Variants in RAB40B observed in about 807,000 individuals in gnomAD.
RAB40B encodes RAB40B, member RAS oncogene family.
A neutral mutation model predicts 24.0 loss-of-function variants in RAB40B; 21 were observed. The ratio of observed to expected loss-of-function variants is 0.88; its 90% CI spans 0.62 to 1.26. The LOEUF is 1.26. RAB40B is among the 50% of genes most tolerant of loss of function. The pLI is 0.00. For missense variants in RAB40B, 348 were observed against 390.5 expected (o/e 0.89, Z 0.92); for synonymous variants, 167 against 169.8 (o/e 0.98, Z 0.13).
chr17:82,665,922 TA>T lies in RAB40B; in HGVS notation c.143-1367del, dbSNP rs920196024. Among the ~76,000 whole-genome samples the T allele has an allele frequency of 1.4e-3, 213 of 151,292 alleles. 1 individual carries two copies. Among genetic ancestry groups the T allele is most frequent in the African/African-American group, 4.9e-3 (201 of 41,244 alleles). ...AAAAAAAAAAAAAAAAAACTACACTTAAAAAAAATCTTTTTTGAGACAGGGT... is the reference window on the plus strand; with the variant it reads ...AAAAAAAAAAAAAAAAAACTACACTTAAAAAAATCTTTTTTGAGACAGGGT... On this transcript the variant is annotated intron_variant, in intron 1 of 5. Coordinates refer to ENST00000571995, the MANE Select transcript of RAB40B (RefSeq NM_006822.3).
Position 82,667,666 on chromosome 17 carries a change from G to A in RAB40B, c.143-3110C>T, listed in dbSNP as rs1291464906. On this transcript the variant is annotated intron_variant, in intron 1 of 5. Transcript: ENST00000571995. The surrounding 1 kb of genome is among the most constrained non-coding windows in gnomAD (Gnocchi z 4.3). ...TCTGTCCACAGAGACTGCCCATCAC[G>A]CCACCAGGTAGATTAGACCAAGCAA... Among the ~76,000 whole-genome samples, 1 of 152,030 alleles carries A rather than the reference G, an allele frequency of 6.6e-6. No individual in the cohort carries two copies. Among genetic ancestry groups the A allele is most frequent in the Non-Finnish European group, 1.5e-5 (1 of 68,018 alleles).
Position 82,698,612 on chromosome 17 carries a change from C to T in RAB40B, c.-16G>A, listed in dbSNP as rs761901094. The T allele has an allele frequency of 6.3e-6, 9 of 1,436,066 alleles. No individual in the cohort carries two copies. The highest frequency in any genetic ancestry group is 3.0e-5 in the African/African-American group (2 of 67,716). The allele number at this position is 1,436,066 out of a possible 1,614,324, so 89.0% of individuals were successfully genotyped here. A position where few individuals can be genotyped will look rare whatever the true frequency, so the allele number is the denominator to read the frequency against. On this transcript the variant is annotated 5_prime_UTR_variant, in exon 1 of 6. Transcript: ENST00000571995. ...GGGCGCTCATCGTGACGGCCCGGCG[C>T]CCCCACCCATGCCCGGCCTGCGGGG...
chr17:82,663,392 G>A lies in RAB40B; in HGVS notation c.203+1104C>T, dbSNP rs994666220. The stretch of plus-strand genomic sequence containing the variant: ...CAGTGCAGGAGGGATGCCCAAGAGG[G>A]AGGCAGCCCCAGGATGAGGCACCGC... On this transcript the variant is annotated intron_variant, in intron 2 of 5. Transcript: ENST00000571995. The surrounding 1 kb of genome is among the most constrained non-coding windows in gnomAD (Gnocchi z 6.2). Among the ~76,000 whole-genome samples the A allele has an allele frequency of 6.6e-6, 1 of 152,118 alleles. No individual in the cohort carries two copies.
At chr17:82,673,112 G>C (rs918236263) in intron 1 of RAB40B, among the ~76,000 whole-genome samples, 1 of 152,132 alleles carries the variant, frequency 6.6e-6, no homozygotes, top group Admixed American at 6.6e-5. Context: ...GCTGAGGCAG[G>C]AGAATCGCTT....
At chr17:82,671,517 C>G (rs1202349096) in intron 1 of RAB40B, among the ~76,000 whole-genome samples, 2 of 92,282 alleles carry the variant, frequency 2.2e-5, no homozygotes, top group Non-Finnish European at 2.8e-5. Context: ...CACCCCACCC[C>G]TGTAACTCTA....
chr17:82,672,382 C>T (rs977843524), intron 1 of RAB40B, among the ~76,000 whole-genome samples: 1 of 119,722 alleles, frequency 8.4e-6, no homozygotes, highest in Non-Finnish European at 2.0e-5. Flanking sequence ...CACCTCACCC[C>T]TGTAACTCTA....
chr17:82,665,236 A>C (rs997767559), intron 1 of RAB40B, among the ~76,000 whole-genome samples: 15 of 145,800 alleles, frequency 1.0e-4, no homozygotes, highest in Admixed American at 5.0e-4. Flanking sequence ...CAAAAAAAAA[A>C]CCCGAGAATG....
At chr17:82,685,119 A>G (rs1160635250) in intron 1 of RAB40B, among the ~76,000 whole-genome samples, 1 of 149,112 alleles carries the variant, frequency 6.7e-6, no homozygotes, top group Non-Finnish European at 1.5e-5. Flanking sequence ...GTCTCAAAAA[A>G]GGAAAAAAAA....
At chr17:82,693,959 T>G (rs961689997) in intron 1 of RAB40B, among the ~76,000 whole-genome samples, 1 of 151,174 alleles carries the variant, frequency 6.6e-6, no homozygotes, top group African/African-American at 2.5e-5. Context: ...GGCGCACACC[T>G]GTAGTCCCAG....
intron 1 of RAB40B, among the ~76,000 whole-genome samples, chr17:82,681,534 T>A (rs1333835821): frequency 6.6e-6 from 1 of 152,174 alleles, no homozygotes. Flanking sequence ...CTCAAGGCTC[T>A]GTGTGGAGGC....
chr17:82,658,476 A>T lies in RAB40B; in HGVS notation c.565+15T>A, dbSNP rs771186342. ...GGAGGGCAGAGGTGGCCCCCGGAAT[A>T]GCCCCTGGGCCTACCCTTGCTCGGC... On this transcript the variant is annotated intron_variant, in intron 5 of 5. Coordinates refer to ENST00000571995, the MANE Select transcript of RAB40B (RefSeq NM_006822.3). The T allele has an allele frequency of 1.2e-6, 2 of 1,610,062 alleles. No homozygotes were observed. Among genetic ancestry groups the T allele is most frequent in the Admixed American group, 3.3e-5 (2 of 59,980 alleles).
rs1201495424 is a variant in RAB40B, at chr17:82,692,492, G to C, written c.142+5963C>G. On this transcript the variant is annotated intron_variant, in intron 1 of 5. Transcript: ENST00000571995. This position sits in a 1 kb window ranked among gnomAD's most constrained non-coding sequence, Gnocchi z 4.0. ...TGCCCATCCACAGAAGACAGAGTCT[G>C]ACCCGGGGCACACACACAAGAGACA... 6.6e-6 allele frequency among the ~76,000 whole-genome samples: 1 copy of C among 152,056 alleles called. No homozygotes were observed. Among genetic ancestry groups the C allele is most frequent in the Non-Finnish European group, 1.5e-5 (1 of 68,010 alleles).
intron 1 of RAB40B, among the ~76,000 whole-genome samples, chr17:82,669,201 C>T (rs1369560947): frequency 2.6e-5 from 4 of 151,964 alleles, no homozygotes; most frequent in South Asian, 2.1e-4. Flanking sequence ...AGGGCCTGGG[C>T]GCGGTGGCTC....
In RAB40B at chr17:82,692,348, C is replaced by T. The variant is rs893800733; in HGVS notation, c.142+6107G>A. Among the ~76,000 whole-genome samples, 3 of 152,212 alleles carry T rather than the reference C, an allele frequency of 2.0e-5. No individual in the cohort carries two copies. The highest frequency in any genetic ancestry group is 7.2e-5 in the African/African-American group (3 of 41,448). The stretch of plus-strand genomic sequence containing the variant: ...CTGCAACTACAGACCGAGAGGAAGA[C>T]AAACGCCCAGGAGGGAGAATCCAGG... On this transcript the variant is annotated intron_variant, in intron 1 of 5. Coordinates refer to ENST00000571995, the MANE Select transcript of RAB40B (RefSeq NM_006822.3). The surrounding 1 kb of genome is among the most constrained non-coding windows in gnomAD (Gnocchi z 4.0).
chr17:82,690,312 G>A lies in RAB40B; in HGVS notation c.142+8143C>T, dbSNP rs983705571. Among the ~76,000 whole-genome samples, 60 of 148,662 alleles carry A rather than the reference G, an allele frequency of 4.0e-4. 1 individual carries two copies. The highest frequency in any genetic ancestry group is 1.2e-3 in the African/African-American group (50 of 40,380). On this transcript the variant is annotated intron_variant, in intron 1 of 5. Coordinates refer to ENST00000571995, the MANE Select transcript of RAB40B (RefSeq NM_006822.3). ...AAGATCTGCAGAATTGGAGGGAGAC[G>A]GAGTGTGCATGTGTGTTCCTGGGAG...
At chr17:82,671,536 ACTCACACGCTCCCT>A (rs1568036637) in intron 1 of RAB40B, among the ~76,000 whole-genome samples, 1 of 138,282 alleles carries the variant, frequency 7.2e-6, no homozygotes. Context: ...TAACACACAC[ACTCACACGCTCCCT>A]GTACTCACTG....
intron 1 of RAB40B, among the ~76,000 whole-genome samples, chr17:82,685,126 A>T (rs2046484979): frequency 6.6e-6 from 1 of 150,908 alleles, no homozygotes; most frequent in South Asian, 2.1e-4. Flanking sequence ...AAAAGGAAAA[A>T]AAAAACAAAA....
chr17:82,698,686 C>T lies in RAB40B; in HGVS notation c.-90G>A, dbSNP rs1280097982. 4 of 1,027,612 alleles carry T rather than the reference C, an allele frequency of 3.9e-6. No homozygotes were observed. Among genetic ancestry groups the T allele is most frequent in the Non-Finnish European group, 4.8e-6 (4 of 828,918 alleles). The allele number at this position is 1,027,612 out of a possible 1,614,324, so 63.7% of individuals were successfully genotyped here. On this transcript the variant is annotated 5_prime_UTR_variant, in exon 1 of 6. Coordinates refer to ENST00000571995, the MANE Select transcript of RAB40B (RefSeq NM_006822.3). ...GCCCCGAGAGGCGCCGCGCGGGCCC[C>T]GAGTCCTTGCTCGCCTCCGGCCCCG...
At chr17:82,691,861 A>G (rs1030784644) in intron 1 of RAB40B, among the ~76,000 whole-genome samples, 7 of 152,146 alleles carry the variant, frequency 4.6e-5, no homozygotes, top group South Asian at 2.1e-4. Context: ...AGAGAAATGG[A>G]ACTTCCGAGG....
Sources: gnomAD v4.1 joint callset for allele counts (sites outside exome capture counted in the v4.1 genomes callset) on GRCh38, gnomAD v4.1.1 for gene constraint, Gnocchi (gnomAD v3.1) non-coding constraint, MANE v1.5 for transcripts, NCBI Gene and HGNC (gene_info 2026-07-23, HGNC 2026-07-21) for gene names.